The following ARHGAP28 variants were observed in gnomAD, a reference collection of about 807,000 sequenced individuals.
ARHGAP28 encodes the protein Rho GTPase activating protein 28, also known as rho GTPase-activating protein 28.
A neutral mutation model predicts 90.7 loss-of-function variants in ARHGAP28; 56 were observed. The observed-to-expected ratio is 0.62, with a 90% CI of 0.50 to 0.77. The LOEUF is 0.77. Among genes scored for constraint, ARHGAP28 ranks in the 30% least tolerant of loss-of-function variants. The pLI is 0.00. For synonymous variants in ARHGAP28, 308 were observed against 323.3 expected, an observed-to-expected ratio of 0.95 and a Z score of 0.51; for missense variants, 869 against 900.9, an observed-to-expected ratio of 0.96 and a Z score of 0.45.
chr18:6,873,844 C>A, intron 9 of ARHGAP28, 69 bp downstream of exon 9: 2 of 1,291,980 alleles, frequency 1.5e-6, no homozygotes, highest in Non-Finnish European at 2.2e-6. Context: ...TTTGTAAACC[C>A]ACAAATGAAT....
chr18:6,890,846 C>T (rs1357971552), intron 14 of ARHGAP28, among the ~76,000 whole-genome samples: 1 of 152,148 alleles, frequency 6.6e-6, no homozygotes, highest in Non-Finnish European at 1.5e-5. Flanking sequence ...ACATTTTAGT[C>T]CCTGTCAACT....
chr18:6,830,310 A>T (rs2056705237), intron 2 of ARHGAP28, among the ~76,000 whole-genome samples: 1 of 151,868 alleles, frequency 6.6e-6, no homozygotes, highest in Non-Finnish European at 1.5e-5. Flanking sequence ...TTACAATGTT[A>T]TAATGTGAAT....
chr18:6,745,326 C>T (rs972464357), intron 1 of ARHGAP28, among the ~76,000 whole-genome samples: 2 of 152,148 alleles, frequency 1.3e-5, no homozygotes, highest in African/African-American at 2.4e-5. Flanking sequence ...CATTTCTTCA[C>T]CTTTTTTTCT....
chr18:6,761,977 AG>A (rs1208913406), intron 1 of ARHGAP28, among the ~76,000 whole-genome samples: 2 of 152,240 alleles, frequency 1.3e-5, no homozygotes. Flanking sequence ...GTCTACAGGC[AG>A]TTCCACAGGT....
chr18:6,765,331 G>T (rs1462864797), intron 1 of ARHGAP28, among the ~76,000 whole-genome samples: 2 of 152,018 alleles, frequency 1.3e-5, no homozygotes, highest in Non-Finnish European at 1.5e-5. Flanking sequence ...AATATGGGTC[G>T]ATCTCATTTC....
rs58471366 is a variant in ARHGAP28 at position 6,732,102 on chromosome 18, GTT to G, written c.122+2169_122+2170del. On this transcript the variant is annotated intron_variant, in intron 1 of 17. Transcript: ENST00000383472. The stretch of plus-strand genomic sequence containing the variant: ...ACACCTGAGTTTATATGTTTTTAAG[GTT>G]TTTTTTTTTCTAGCCTTTTCCCAGT... Among the ~76,000 whole-genome samples, 31 of 149,532 alleles carry G rather than the reference GTT, an allele frequency of 2.1e-4. 1 individual carries two copies. The highest frequency in any genetic ancestry group is 4.7e-4 in the Admixed American group (7 of 15,050).
chr18:6,896,438 T>A (rs1196733852), intron 15 of ARHGAP28, 64 bp from the exon 16 acceptor site: 1 of 1,581,878 alleles, frequency 6.3e-7, no homozygotes, highest in Non-Finnish European at 8.6e-7. Flanking sequence ...ATCTCTTAAG[T>A]GCATCATTGA....
rs112203408 is a variant in ARHGAP28 at position 6,883,116 on chromosome 18, A to G, written c.1453+817A>G. Among the ~76,000 whole-genome samples, 734 of 152,246 alleles carry G rather than the reference A, an allele frequency of 4.8e-3. 7 individuals carry two copies. Among genetic ancestry groups the G allele is most frequent in the African/African-American group, 0.016 (679 of 41,542 alleles). ...CAAAAAGGTCTGTGTCCAAACTGAG[A>G]GGACACACCCCATCTAGAGACATTG... On this transcript the variant is annotated intron_variant, in intron 11 of 17. Coordinates refer to ENST00000383472, the MANE Select transcript of ARHGAP28 (RefSeq NM_001366230.1).
intron 1 of ARHGAP28, among the ~76,000 whole-genome samples, chr18:6,819,693 GC>G (rs1205508135): frequency 6.6e-6 from 1 of 152,224 alleles, no homozygotes; most frequent in Non-Finnish European, 1.5e-5. Flanking sequence ...CAGGATTCCA[GC>G]AACACAGGGG....
At chr18:6,750,696 T>C (rs1238357425) in intron 1 of ARHGAP28, among the ~76,000 whole-genome samples, 3 of 152,072 alleles carry the variant, frequency 2.0e-5, no homozygotes, top group African/African-American at 7.2e-5. Flanking sequence ...CAGGTCTCTC[T>C]TCTTCTTATA....
chr18:6,769,953 T>C (rs569397687), intron 1 of ARHGAP28, among the ~76,000 whole-genome samples: 13 of 152,356 alleles, frequency 8.5e-5, no homozygotes, highest in African/African-American at 3.1e-4. Context: ...CATCAAAATA[T>C]TTCCTTATCG....
In ARHGAP28 at chr18:6,839,427, G is replaced by C. The variant is rs1217571200; in HGVS notation, c.543+2013G>C. ...TCCCCCCTCAGCCTCCCGAGTAACTGGGACTATAGGCGCCAGCCACCACGC... is the reference window on the plus strand; with the variant it reads ...TCCCCCCTCAGCCTCCCGAGTAACTCGGACTATAGGCGCCAGCCACCACGC... On this transcript the variant is annotated intron_variant, in intron 3 of 17. Transcript: ENST00000383472. 2.0e-5 allele frequency among the ~76,000 whole-genome samples: 3 copies of C among 151,702 alleles called. 1 individual carries two copies. The highest frequency in any genetic ancestry group is 7.3e-5 in the African/African-American group (3 of 41,248).
intron 1 of ARHGAP28, among the ~76,000 whole-genome samples, chr18:6,799,357 G>T (rs779871209): frequency 2.0e-5 from 3 of 152,202 alleles, no homozygotes; most frequent in East Asian, 1.9e-4. Flanking sequence ...AGCTACCATT[G>T]ACTTTCTTCA....
chr18:6,804,669 G>T (rs1389211757), intron 1 of ARHGAP28, among the ~76,000 whole-genome samples: 1 of 152,068 alleles, frequency 6.6e-6, no homozygotes, highest in East Asian at 1.9e-4. Context: ...GATCCATTGG[G>T]TAATTAGAAG....
chr18:6,812,870 T>A (rs1045276054), intron 1 of ARHGAP28, among the ~76,000 whole-genome samples: 4 of 152,184 alleles, frequency 2.6e-5, no homozygotes, highest in African/African-American at 9.6e-5. Flanking sequence ...TGAGAGGGAT[T>A]TTGAGGGTCC....
intron 3 of ARHGAP28, 52 bp from the exon 4 acceptor site, chr18:6,850,982 C>T (rs1302139271): frequency 3.7e-6 from 6 of 1,603,878 alleles, no homozygotes; most frequent in Non-Finnish European, 5.1e-6. Flanking sequence ...AATACGCAGT[C>T]ATATTTGGAA....
intron 4 of ARHGAP28, among the ~76,000 whole-genome samples, chr18:6,854,963 G>A (rs1201023294): frequency 6.6e-6 from 1 of 152,176 alleles, no homozygotes; most frequent in Non-Finnish European, 1.5e-5. Flanking sequence ...TCAGGGTGGT[G>A]CTTACATTCC....
chr18:6,826,104 C>A (rs1051640876), intron 2 of ARHGAP28, among the ~76,000 whole-genome samples: 8 of 146,304 alleles, frequency 5.5e-5, no homozygotes, highest in African/African-American at 1.3e-4. Flanking sequence ...CTTTTGTCTG[C>A]AGCATTGCCA....
At chr18:6,884,020 C>G (rs1367019667) in intron 11 of ARHGAP28, among the ~76,000 whole-genome samples, 1 of 152,100 alleles carries the variant, frequency 6.6e-6, no homozygotes, top group Non-Finnish European at 1.5e-5. Context: ...CCTATCTTTT[C>G]ATTCATTATA....
Sources: gnomAD v4.1 joint callset for allele counts (sites outside exome capture counted in the v4.1 genomes callset) on GRCh38, gnomAD v4.1.1 for gene constraint, MANE v1.5 for transcripts, NCBI Gene and HGNC (gene_info 2026-07-23, HGNC 2026-07-21) for gene names.